Variants in SPRED1 observed in about 807,000 individuals in gnomAD.
The protein encoded by SPRED1 is sprouty-related, EVH1 domain-containing protein 1.
Under a neutral mutation model 52.3 loss-of-function variants are expected in SPRED1, and 18 were observed. That is an observed-to-expected ratio of 0.34 (90% CI 0.24 to 0.51). The LOEUF is 0.51. Ranked by LOEUF, SPRED1 falls within the 20% of genes least tolerant of loss-of-function variation. The pLI is 0.97. For missense variants in SPRED1, 485 were observed against 551.0 expected, an observed-to-expected ratio of 0.88 and a Z score of 1.20; for synonymous variants, 155 against 179.7, an observed-to-expected ratio of 0.86 and a Z score of 1.10.
At chr15:38,257,659 C>G (rs1894127039) in intron 1 of SPRED1, among the ~76,000 whole-genome samples, 1 of 152,112 alleles carries the variant, frequency 6.6e-6, no homozygotes, top group South Asian at 2.1e-4. Flanking sequence ...ATTTGTGTGT[C>G]TGTCTTTTTT....
chr15:38,265,210 G>A (rs889015160), intron 1 of SPRED1, among the ~76,000 whole-genome samples: 2 of 152,102 alleles, frequency 1.3e-5, no homozygotes, highest in African/African-American at 4.8e-5. Flanking sequence ...CTTTGTCCTT[G>A]CCTTTTATCT....
intron 2 of SPRED1, among the ~76,000 whole-genome samples, chr15:38,310,153 G>GTT (rs1555390274): frequency 0.035 from 4,692 of 132,234 alleles, 302 homozygotes; most frequent in African/African-American, 0.12. Context: ...GTGTGTGTGT[G>GTT]TTTGGAGACG....
chr15:38,321,356 T>C (rs924852176), intron 2 of SPRED1, among the ~76,000 whole-genome samples: 3 of 152,146 alleles, frequency 2.0e-5, no homozygotes, highest in African/African-American at 7.2e-5. Flanking sequence ...CTTCATGCAT[T>C]GCATGAAGCT....
At chr15:38,260,177 A>G (rs1305336207) in intron 1 of SPRED1, among the ~76,000 whole-genome samples, 2 of 152,262 alleles carry the variant, frequency 1.3e-5, no homozygotes, top group African/African-American at 4.8e-5. Context: ...CACAATTACT[A>G]AAGGTCCAAA....
At chr15:38,318,460 C>G (rs1219433657) in intron 2 of SPRED1, among the ~76,000 whole-genome samples, 2 of 151,990 alleles carry the variant, frequency 1.3e-5, no homozygotes, top group African/African-American at 4.8e-5. Context: ...ACAATTTCAT[C>G]TTTTAGATTC....
At chr15:38,303,808 C>T (rs191601940) in intron 2 of SPRED1, among the ~76,000 whole-genome samples, 4 of 152,102 alleles carry the variant, frequency 2.6e-5, no homozygotes, top group East Asian at 1.9e-4. Flanking sequence ...TGCTTGAATT[C>T]CTGAAGATGC....
intron 2 of SPRED1, among the ~76,000 whole-genome samples, chr15:38,313,066 ATG>A (rs1895400843): frequency 6.6e-6 from 1 of 151,932 alleles, no homozygotes; most frequent in Non-Finnish European, 1.5e-5. Context: ...GAACTATGTG[ATG>A]TAAGTTGCAT....
chr15:38,318,139 G>T (rs988207381), intron 2 of SPRED1, among the ~76,000 whole-genome samples: 3 of 151,880 alleles, frequency 2.0e-5, no homozygotes, highest in Admixed American at 1.3e-4. Context: ...CTATTCCACT[G>T]CCTATTCCAA....
chr15:38,353,649 C>G lies in SPRED1; in HGVS notation c.*1985C>G, dbSNP rs1888544071. ...TTGGTTTCCTAGAATAGACTGTTAA[C>G]TTTCAAAATTTTTATTGGTGAAATG... On this transcript the variant is annotated 3_prime_UTR_variant, in exon 7 of 7. Transcript: ENST00000299084. 3 of 152,522 alleles carry G rather than the reference C, an allele frequency of 2.0e-5. No individual in the cohort carries two copies. Among genetic ancestry groups the G allele is most frequent in the Admixed American group, 1.3e-4 (2 of 15,268 alleles). The allele number at this position is 152,522 out of a possible 1,614,324, so 9.4% of individuals were successfully genotyped here. A position where few individuals can be genotyped will look rare whatever the true frequency, so the allele number is the denominator to read the frequency against.
chr15:38,301,416 A>G (rs1354995509), intron 2 of SPRED1, among the ~76,000 whole-genome samples: 3 of 152,196 alleles, frequency 2.0e-5, no homozygotes, highest in Non-Finnish European at 4.4e-5. Context: ...TGTTTCACGT[A>G]GCCATTTTTC....
intron 1 of SPRED1, among the ~76,000 whole-genome samples, chr15:38,281,913 T>C (rs1328535365): frequency 6.6e-6 from 1 of 152,202 alleles, no homozygotes; most frequent in East Asian, 1.9e-4. Context: ...AATTTCTAGA[T>C]GTAAAGTCGA....
At chr15:38,338,635 A>G (rs1367660699) in intron 4 of SPRED1, among the ~76,000 whole-genome samples, 2 of 152,148 alleles carry the variant, frequency 1.3e-5, no homozygotes, top group Non-Finnish European at 2.9e-5. Context: ...TGATACAATA[A>G]CAGCTTTTAG....
At chr15:38,291,446 C>T (rs977170123) in intron 1 of SPRED1, among the ~76,000 whole-genome samples, 12 of 152,224 alleles carry the variant, frequency 7.9e-5, no homozygotes, top group African/African-American at 2.9e-4. Flanking sequence ...AGGCAGTGCC[C>T]CAGTAGGGAC....
rs542729153 is a variant in SPRED1, at chr15:38,322,426, A to G, written c.376+17A>G. The G allele has an allele frequency of 7.4e-6, 12 of 1,611,294 alleles. No homozygotes were observed. The South Asian group carries it at 1.2e-4, about 16-fold the overall frequency. On this transcript the variant is annotated intron_variant, in intron 3 of 6. Transcript: ENST00000299084. ...TTTCTCAAGGTAGGTATTCTTGACT[A>G]TTTTCTTAATTTATTTATCGGTTAT...
intron 2 of SPRED1, among the ~76,000 whole-genome samples, chr15:38,310,287 C>G (rs1205385327): frequency 6.6e-6 from 1 of 151,962 alleles, no homozygotes; most frequent in Non-Finnish European, 1.5e-5. Flanking sequence ...ATTACAGGCA[C>G]CTGCCACCAC....
rs76554981 is a variant in SPRED1 at position 38,311,004 on chromosome 15, A to C, written c.208-11237A>C. Among the ~76,000 whole-genome samples the C allele has an allele frequency of 6.7e-3, 1,024 of 152,254 alleles. 32 individuals carry two copies. In the East Asian group the frequency reaches 0.088, roughly 13 times the overall value. ...TCTATATGGAATACAATGGTAGTAG[A>C]GTACATCCTTGCCTTGTTTCAGATA... On this transcript the variant is annotated intron_variant, in intron 2 of 6. Coordinates refer to ENST00000299084, the MANE Select transcript of SPRED1 (RefSeq NM_152594.3).
chr15:38,307,187 T>G (rs899727048), intron 2 of SPRED1, among the ~76,000 whole-genome samples: 4 of 152,256 alleles, frequency 2.6e-5, no homozygotes, highest in Admixed American at 6.5e-5. Context: ...AATTTGAATG[T>G]GTCATGCTTT....
intron 4 of SPRED1, among the ~76,000 whole-genome samples, chr15:38,337,900 T>G (rs922397797): frequency 2.6e-5 from 4 of 151,860 alleles, no homozygotes; most frequent in Non-Finnish European, 5.9e-5. Flanking sequence ...CTGAGATTAT[T>G]GAGGCAGATA....
intron 2 of SPRED1, among the ~76,000 whole-genome samples, chr15:38,316,546 A>C (rs952483482): frequency 1.3e-5 from 2 of 151,882 alleles, no homozygotes; most frequent in African/African-American, 4.8e-5. Flanking sequence ...AATACACCAC[A>C]TAACTGTATT....
Sources: gnomAD v4.1 joint callset for allele counts (sites outside exome capture counted in the v4.1 genomes callset) on GRCh38, gnomAD v4.1.1 for gene constraint, MANE v1.5 for transcripts, NCBI Gene and HGNC (gene_info 2026-07-23, HGNC 2026-07-21) for gene names.